PCDHGB1: variants seen among roughly 807,000 people sequenced by gnomAD.
PCDHGB1 encodes protocadherin gamma-B1.
In PCDHGB1, 34 loss-of-function variants were observed where a neutral mutation model predicts 56.6. The ratio of observed to expected loss-of-function variants is 0.60; its 90% CI spans 0.46 to 0.80. PCDHGB1 has a LOEUF of 0.80. Ranked by LOEUF, PCDHGB1 falls within the 30% of genes least tolerant of loss-of-function variation. The pLI is 0.00. For missense variants in PCDHGB1, 1,278 were observed against 1,204.6 expected, an observed-to-expected ratio of 1.06 and a Z score of -0.90; for synonymous variants, 561 against 505.9, an observed-to-expected ratio of 1.11 and a Z score of -1.46.
intron 1 of PCDHGB1, chr5:141,371,856 T>C (rs758069791): frequency 1.9e-6 from 3 of 1,613,462 alleles, no homozygotes; most frequent in Admixed American, 3.3e-5. Context: ...TGGCCTTGTC[T>C]CCTACTACAT....
At position 141,351,756 on chromosome 5, in the gene PCDHGB1, C is replaced by T; in HGVS notation, c.1496C>T (p.Ser499Phe). 6.2e-7 allele frequency: 1 copy of T among 1,613,612 alleles called. No homozygotes were observed. The change falls in exon 1 of 4, where the codon TCC becomes TTC. Residue 499 changes from serine to phenylalanine, a missense_variant. By Grantham distance (155) the Ser-to-Phe change is radical. Transcript: ENST00000523390. ...GACCTGGAGCCGCGGGAGCTGTTGTCCTACGTGTCCGTGAGCCCGCAGAGC... is the reference window on the plus strand; with the variant it reads ...GACCTGGAGCCGCGGGAGCTGTTGTTCTACGTGTCCGTGAGCCCGCAGAGC... ...ASDLEPRELL[S>F]YVSVSPQSGV...
chr5:141,484,242 A>G (rs995022030), intron 1 of PCDHGB1, among the ~76,000 whole-genome samples: 1 of 152,216 alleles, frequency 6.6e-6, no homozygotes, highest in African/African-American at 2.4e-5. Flanking sequence ...TCTGGTCCTT[A>G]GCACCTCCCA....
chr5:141,388,958 C>G, intron 1 of PCDHGB1: 1 of 1,613,930 alleles, frequency 6.2e-7, no homozygotes, highest in Non-Finnish European at 8.5e-7. Context: ...TGGAGGACGC[C>G]GAGCTGGGAA....
intron 2 of PCDHGB1, among the ~76,000 whole-genome samples, chr5:141,501,966 C>A (rs1046026111): frequency 1.3e-5 from 2 of 152,118 alleles, no homozygotes; most frequent in African/African-American, 4.8e-5. Context: ...ATCCTCCTAA[C>A]CTCTGGCATC....
chr5:141,510,852 G>A (rs2099883073), intron 3 of PCDHGB1, 95 bp from the exon 4 acceptor site: 2 of 1,601,096 alleles, frequency 1.2e-6, no homozygotes, highest in Non-Finnish European at 1.7e-6. Flanking sequence ...GGCCCAGGGT[G>A]CTGTATAGGC....
chr5:141,352,599 A>G lies in PCDHGB1; in HGVS notation c.2339A>G (p.Asp780Gly). 1.2e-6 allele frequency: 2 copies of G among 1,613,758 alleles called. No individual in the cohort carries two copies. Among genetic ancestry groups the G allele is most frequent in the Non-Finnish European group, 1.7e-6 (2 of 1,179,806 alleles). ...CCCCCTCAGGATCTGCTGTGTGATG[A>G]TCCTTCTATGGTTGTATGTGCCAGT... ...MAPPQDLLCDDPSMVVCASNE... is the reference protein window; with the variant it reads ...MAPPQDLLCDGPSMVVCASNE... Residue 780 changes from aspartate (D) to glycine (G), a missense_variant, in exon 1 of 4, where the codon GAT becomes GGT. Asp to Gly is a moderately conservative substitution (Grantham distance 94). Transcript: ENST00000523390.
chr5:141,423,004 G>T lies in PCDHGB1; in HGVS notation c.2409+70335G>T, dbSNP rs1206727312. 2 of 1,614,116 alleles carry T rather than the reference G, an allele frequency of 1.2e-6. No individual in the cohort carries two copies. Among genetic ancestry groups the T allele is most frequent in the African/African-American group, 1.3e-5 (1 of 74,958 alleles). ...ACCTGGCTACCTGGTGACCAAGGTG[G>T]TTGCGGTGGACAAAGATTCAGGCCA... On this transcript the variant is annotated intron_variant, in intron 1 of 3. Transcript: ENST00000523390.
chr5:141,499,233 C>A (rs1047984757), intron 2 of PCDHGB1, among the ~76,000 whole-genome samples: 2 of 152,116 alleles, frequency 1.3e-5, no homozygotes, highest in Non-Finnish European at 2.9e-5. Context: ...CAGCTGTCCC[C>A]AGCCTCTGCA....
At chr5:141,359,899 A>C (rs1761354532) in intron 1 of PCDHGB1, 1 of 400,996 alleles carries the variant, frequency 2.5e-6, no homozygotes. Flanking sequence ...AATATTGACA[A>C]GCCATTAGTG....
intron 1 of PCDHGB1, chr5:141,422,560 G>T (rs2096656228): frequency 6.2e-7 from 1 of 1,614,032 alleles, no homozygotes; most frequent in East Asian, 2.2e-5. Context: ...GAATGTGGCA[G>T]ATGACAACGA....
At position 141,351,349 on chromosome 5, in the gene PCDHGB1, C is replaced by T. The variant is rs1277588890; in HGVS notation, c.1089C>T (p.Ala363=). Reference sequence around the variant, plus strand: ...ATTCAGACCTTGGAACTGTAATAGCCCTCATAAAAGTGCGAGACAAGGATT... The same window carrying T: ...ATTCAGACCTTGGAACTGTAATAGCTCTCATAAAAGTGCGAGACAAGGATT... ...PEDSDLGTVI[A]LIKVRDKDSG... is the part of the protein sequence containing the mutation. Residue 363 remains alanine (A), a synonymous_variant, in exon 1 of 4, where the codon GCC becomes GCT. Transcript: ENST00000523390. The T allele has an allele frequency of 3.7e-6, 6 of 1,613,326 alleles. No individual in the cohort carries two copies. The highest frequency in any genetic ancestry group is 5.1e-6 in the Non-Finnish European group (6 of 1,179,568).
In PCDHGB1 at chr5:141,393,293, G is replaced by A. The variant is rs774531655; in HGVS notation, c.2409+40624G>A. On this transcript the variant is annotated intron_variant, in intron 1 of 3. Coordinates refer to ENST00000523390, the MANE Select transcript of PCDHGB1 (RefSeq NM_018922.3). ...ATCCACTCCCAGAAGCTGTTGACCC[G>A]GATGTGGGCGTGAACTCCCTCCAGA... 6.2e-6 allele frequency: 10 copies of A among 1,613,918 alleles called. No homozygotes were observed. The Admixed American group carries it at 8.3e-5, about 13-fold the overall frequency.
At chr5:141,429,613 G>A (rs1374650357) in intron 1 of PCDHGB1, among the ~76,000 whole-genome samples, 2 of 152,084 alleles carry the variant, frequency 1.3e-5, no homozygotes, top group African/African-American at 2.4e-5. Flanking sequence ...TCAATTTTAT[G>A]TCTGATATTT....
intron 1 of PCDHGB1, chr5:141,375,779 G>A (rs749559180): frequency 1.9e-6 from 3 of 1,614,176 alleles, no homozygotes; most frequent in South Asian, 1.1e-5. Flanking sequence ...CCTGTACCCC[G>A]CCCTCCCCAC....
At chr5:141,424,717 T>G (rs914445969) in intron 1 of PCDHGB1, 1 of 152,202 alleles carries the variant, frequency 6.6e-6, no homozygotes, top group Non-Finnish European at 1.5e-5. Context: ...TCAGTGTAGT[T>G]GGGAGTCATA....
chr5:141,487,143 C>T lies in PCDHGB1; in HGVS notation c.2410-7664C>T. Reference sequence around the variant, plus strand: ...GATAGTGGTAGTCCACCACTCTCTACCTCTGTTACTCTCTTAGTGTCCTTA... The same window carrying T: ...GATAGTGGTAGTCCACCACTCTCTATCTCTGTTACTCTCTTAGTGTCCTTA... On this transcript the variant is annotated intron_variant, in intron 1 of 3. Coordinates refer to ENST00000523390, the MANE Select transcript of PCDHGB1 (RefSeq NM_018922.3). This position sits in a 1 kb window ranked among gnomAD's most constrained non-coding sequence, Gnocchi z 5.0. 1.2e-6 allele frequency: 2 copies of T among 1,614,028 alleles called. No homozygotes were observed. Among genetic ancestry groups the T allele is most frequent in the Non-Finnish European group, 1.7e-6 (2 of 1,179,862 alleles).
intron 1 of PCDHGB1, chr5:141,398,001 A>T: frequency 5.0e-6 from 7 of 1,388,802 alleles, no homozygotes; most frequent in African/African-American, 4.4e-5. Flanking sequence ...CCTCCTCGGA[A>T]AAAGAATCGT....
rs2099883795 is a variant in PCDHGB1 at position 141,511,444 on chromosome 5, A to C, written c.*271A>C. 3.0e-6 allele frequency: 2 copies of C among 665,362 alleles called. No individual in the cohort carries two copies. The highest frequency in any genetic ancestry group is 3.6e-5 in the African/African-American group (2 of 54,978). 41.2% of individuals were successfully genotyped at this position (665,362 alleles called of 1,614,324 possible). On this transcript the variant is annotated 3_prime_UTR_variant, in exon 4 of 4. Coordinates refer to ENST00000523390, the MANE Select transcript of PCDHGB1 (RefSeq NM_018922.3). ...GGGTAGTGGGGTTACTGTAGACACC[A>C]AGAACCATTTGCCACACCCCGTTTA...
chr5:141,371,597 A>T (rs982667859), intron 1 of PCDHGB1: 1 of 1,613,908 alleles, frequency 6.2e-7, no homozygotes, highest in African/African-American at 1.3e-5. Context: ...CCAAAAACAC[A>T]TACAGGTTGG....
Sources: gnomAD v4.1 joint callset for allele counts (sites outside exome capture counted in the v4.1 genomes callset) on GRCh38, gnomAD v4.1.1 for gene constraint, Gnocchi (gnomAD v3.1) non-coding constraint, MANE v1.5 for transcripts, NCBI Gene and HGNC (gene_info 2026-07-23, HGNC 2026-07-21) for gene names.